Variants in PTPN21 observed in about 807,000 individuals in gnomAD.
PTPN21 encodes protein tyrosine phosphatase non-receptor type 21, also known as tyrosine-protein phosphatase non-receptor type 21.
In PTPN21, 77 loss-of-function variants were observed where a neutral mutation model predicts 131.8. The observed-to-expected ratio is 0.58, with a 90% CI of 0.49 to 0.71. The LOEUF (loss-of-function observed/expected upper bound fraction) is 0.71. Among genes scored for constraint, PTPN21 ranks in the 30% least tolerant of loss-of-function variants. The pLI is 0.00. For synonymous variants in PTPN21, 715 were observed against 621.3 expected, an observed-to-expected ratio of 1.15 and a Z score of -2.24; for missense variants, 1,552 against 1,527.1, an observed-to-expected ratio of 1.02 and a Z score of -0.27.
At chr14:88,515,025 A>C (rs2078245756) in intron 3 of PTPN21, 2 of 152,216 alleles carry the variant, frequency 1.3e-5, no homozygotes, top group Admixed American at 6.5e-5. Flanking sequence ...TGGATGTAAT[A>C]GACAGAACTC....
intron 2 of PTPN21, among the ~76,000 whole-genome samples, chr14:88,541,775 G>A (rs980518125): frequency 2.0e-5 from 3 of 152,182 alleles, no homozygotes; most frequent in Admixed American, 6.5e-5. Context: ...TATATTCAGA[G>A]GCAAATTATT....
intron 2 of PTPN21, among the ~76,000 whole-genome samples, chr14:88,544,332 C>G (rs757640024): frequency 2.6e-5 from 4 of 151,764 alleles, no homozygotes; most frequent in Non-Finnish European, 5.9e-5. Context: ...GGCAACAGAG[C>G]AAGACTCCAT....
intron 2 of PTPN21, among the ~76,000 whole-genome samples, chr14:88,544,484 C>T (rs1259207940): frequency 6.6e-6 from 1 of 152,146 alleles, no homozygotes; most frequent in Non-Finnish European, 1.5e-5. Context: ...GAGAGTTTCC[C>T]AAATACCAGG....
rs1383130342 is a variant in PTPN21 at position 88,479,979 on chromosome 14, G to A, written c.1452C>T (p.Ser484=). 2 of 1,610,786 alleles carry A rather than the reference G, an allele frequency of 1.2e-6. No individual in the cohort carries two copies. Among genetic ancestry groups the A allele is most frequent in the Non-Finnish European group, 1.7e-6 (2 of 1,180,018 alleles). ...NLNIGSSYAY[S]RPAALVYSQP... is the part of the protein sequence containing the mutation. The stretch of plus-strand genomic sequence containing the variant: ...GGCTGTAGACCAGCGCCGCGGGCCT[G>A]CTGTAGGCGTACGAGCTGCCGATGT... Residue 484 remains serine, a synonymous_variant, in exon 13 of 19, where the codon AGC becomes AGT. Coordinates refer to ENST00000556564, the MANE Select transcript of PTPN21 (RefSeq NM_007039.4).
At chr14:88,477,323 T>A (rs2077560159) in intron 13 of PTPN21, among the ~76,000 whole-genome samples, 1 of 151,634 alleles carries the variant, frequency 6.6e-6, no homozygotes, top group Non-Finnish European at 1.5e-5. Context: ...ATCCCAGCAC[T>A]TTGGGAGGCT....
intron 6 of PTPN21, chr14:88,503,821 G>A (rs182924808): frequency 6.6e-6 from 1 of 152,158 alleles, no homozygotes; most frequent in East Asian, 1.9e-4. Context: ...GGAACTGTGT[G>A]GTAGTTGGTT....
rs2140090416 is a variant in PTPN21 at position 88,475,270 on chromosome 14, A to C, written c.2512-1468T>G. 2.0e-5 allele frequency among the ~76,000 whole-genome samples: 3 copies of C among 152,342 alleles called. 1 individual carries two copies. The highest frequency in any genetic ancestry group is 2.0e-4 in the Admixed American group (3 of 15,302). On this transcript the variant is annotated intron_variant, in intron 13 of 18. Transcript: ENST00000556564. Reference sequence around the variant, plus strand: ...CCCCATGATAATGGTGCAAGAACAGAGGGAAAAGGCAACTTGGTGAGAGAG... The same window carrying C: ...CCCCATGATAATGGTGCAAGAACAGCGGGAAAAGGCAACTTGGTGAGAGAG...
At position 88,466,124 on chromosome 14, in the gene PTPN21, G is replaced by A. The variant is rs1433239010; in HGVS notation, c.*2013C>T. The A allele has an allele frequency of 6.6e-6, 1 of 152,080 alleles. No individual in the cohort carries two copies. Among genetic ancestry groups the A allele is most frequent in the African/African-American group, 2.4e-5 (1 of 41,400 alleles). 9.4% of individuals were successfully genotyped at this position (152,080 alleles called of 1,614,324 possible). ...TTTCTAGAGATGGAAAATAGTTCCA[G>A]TAAAAAGTTCTTATTCCTTTCTTCT... On this transcript the variant is annotated 3_prime_UTR_variant, in exon 19 of 19. Transcript: ENST00000556564.
At chr14:88,519,062 T>C (rs1360321974) in intron 2 of PTPN21, among the ~76,000 whole-genome samples, 1 of 152,130 alleles carries the variant, frequency 6.6e-6, no homozygotes, top group African/African-American at 2.4e-5. Context: ...GTTAGTGTAT[T>C]ACTCAGAAGT....
chr14:88,519,645 G>C (rs1595394479), intron 2 of PTPN21, among the ~76,000 whole-genome samples: 1 of 152,190 alleles, frequency 6.6e-6, no homozygotes, highest in Middle Eastern at 3.4e-3. Context: ...TTTTAACAAG[G>C]TAAGAACTAT....
chr14:88,473,638 A>G, intron 14 of PTPN21, 27 bp downstream of exon 14: 1 of 1,592,486 alleles, frequency 6.3e-7, no homozygotes, highest in South Asian at 1.2e-5. Context: ...CAGAGAAGGC[A>G]CAAAGCCCTG....
intron 8 of PTPN21, among the ~76,000 whole-genome samples, chr14:88,497,816 T>C (rs1373299193): frequency 6.6e-6 from 1 of 151,094 alleles, no homozygotes; most frequent in Non-Finnish European, 1.5e-5. Flanking sequence ...AAACAAAAAC[T>C]AGGTCAGGCA....
intron 12 of PTPN21, among the ~76,000 whole-genome samples, chr14:88,481,536 CA>C (rs1595354713): frequency 1.3e-5 from 2 of 151,858 alleles, no homozygotes; most frequent in East Asian, 3.9e-4. Context: ...GTGGAAAAGG[CA>C]ATACTAAGAA....
chr14:88,518,414 ATTTTTTTTTTTTTTTT>A (rs869305749), intron 2 of PTPN21, among the ~76,000 whole-genome samples: 2 of 10,790 alleles, frequency 1.9e-4, no homozygotes, highest in African/African-American at 2.5e-4. Context: ...ATATATATAT[ATTTTTTTTTTTTTTTT>A]TTTTTTTTTT....
intron 12 of PTPN21, among the ~76,000 whole-genome samples, chr14:88,483,590 C>G (rs1048701204): frequency 6.6e-6 from 1 of 152,172 alleles, no homozygotes; most frequent in Non-Finnish European, 1.5e-5. Flanking sequence ...CACTCCCTAC[C>G]AGTTCCTTAC....
intron 2 of PTPN21, among the ~76,000 whole-genome samples, chr14:88,536,867 C>G (rs895881073): frequency 4.6e-5 from 7 of 152,074 alleles, no homozygotes; most frequent in African/African-American, 1.4e-4. Context: ...AAGTCTATCC[C>G]GGGAAGAGAT....
chr14:88,545,465 G>T (rs2078762678), intron 2 of PTPN21, among the ~76,000 whole-genome samples: 1 of 152,162 alleles, frequency 6.6e-6, no homozygotes, highest in Admixed American at 6.5e-5. Flanking sequence ...GTGGCCACTT[G>T]TGTCACCACC....
intron 8 of PTPN21, among the ~76,000 whole-genome samples, chr14:88,497,643 G>A (rs1040695234): frequency 4.6e-5 from 7 of 151,976 alleles, no homozygotes; most frequent in African/African-American, 1.7e-4. Flanking sequence ...GCCAGGCGTG[G>A]TAGCAGGTAC....
intron 2 of PTPN21, among the ~76,000 whole-genome samples, chr14:88,540,953 T>C (rs1006651055): frequency 2.6e-5 from 4 of 152,186 alleles, no homozygotes; most frequent in African/African-American, 9.7e-5. Context: ...ATGAGCCACC[T>C]TGCCCGGCCA....
Sources: gnomAD v4.1 joint callset for allele counts (sites outside exome capture counted in the v4.1 genomes callset) on GRCh38, gnomAD v4.1.1 for gene constraint, MANE v1.5 for transcripts, NCBI Gene and HGNC (gene_info 2026-07-23, HGNC 2026-07-21) for gene names.